The following SCFD2 variants were observed in gnomAD, a reference collection of about 807,000 sequenced individuals.
The protein encoded by SCFD2 is sec1 family domain containing 2.
In SCFD2, 54 loss-of-function variants were observed where a neutral mutation model predicts 58.9. The ratio of observed to expected loss-of-function variants is 0.92; its 90% CI spans 0.74 to 1.15. The LOEUF (loss-of-function observed/expected upper bound fraction) is 1.15. Among genes scored for constraint, SCFD2 ranks in the 50% most tolerant of loss-of-function variants. The probability of loss-of-function intolerance (pLI) is 0.00; values close to 1 mark genes in which losing one functional copy is unlikely to be tolerated. For synonymous variants in SCFD2, 321 were observed against 335.9 expected (o/e 0.96, Z 0.49); for missense variants, 805 against 836.6 (o/e 0.96, Z 0.47).
At chr4:53,306,269 T>C (rs1374077929) in intron 3 of SCFD2, among the ~76,000 whole-genome samples, 1 of 152,128 alleles carries the variant, frequency 6.6e-6, no homozygotes, top group Non-Finnish European at 1.5e-5. Flanking sequence ...AGCATCTATG[T>C]GCAAGGCACA....
intron 4 of SCFD2, among the ~76,000 whole-genome samples, chr4:53,195,425 T>A (rs2148961726): frequency 6.6e-6 from 1 of 152,264 alleles, no homozygotes. Flanking sequence ...CCTCTAATTG[T>A]AGTCAAGGCA....
At chr4:53,150,469 T>C (rs1726472061) in intron 4 of SCFD2, among the ~76,000 whole-genome samples, 2 of 152,182 alleles carry the variant, frequency 1.3e-5, no homozygotes, top group Admixed American at 1.3e-4. Context: ...CCAAACTGAA[T>C]GTTTATACAT....
At chr4:53,282,168 C>T (rs762955042) in intron 3 of SCFD2, among the ~76,000 whole-genome samples, 18 of 152,082 alleles carry the variant, frequency 1.2e-4, no homozygotes, top group Non-Finnish European at 2.1e-4. Flanking sequence ...GAGGTTAATT[C>T]TTTCTACTTG....
chr4:52,920,345 G>A (rs923160612), intron 6 of SCFD2, among the ~76,000 whole-genome samples: 1 of 152,184 alleles, frequency 6.6e-6, no homozygotes, highest in Non-Finnish European at 1.5e-5. Context: ...CATTCAAAAT[G>A]TTTACGGACT....
At chr4:53,062,732 C>T (rs1003721629) in intron 5 of SCFD2, among the ~76,000 whole-genome samples, 3 of 152,074 alleles carry the variant, frequency 2.0e-5, no homozygotes, top group African/African-American at 7.2e-5. Context: ...TTTATCCCAT[C>T]GTGATATAAA....
chr4:53,195,676 G>A (rs1385819950), intron 4 of SCFD2, among the ~76,000 whole-genome samples: 3 of 152,234 alleles, frequency 2.0e-5, no homozygotes, highest in East Asian at 3.9e-4. Flanking sequence ...GAAATCGTAC[G>A]AACAACTGAT....
At chr4:53,236,927 G>A (rs924588581) in intron 4 of SCFD2, among the ~76,000 whole-genome samples, 11 of 151,726 alleles carry the variant, frequency 7.2e-5, no homozygotes, top group African/African-American at 1.7e-4. Context: ...GTGGAGGGAA[G>A]GTCAGTAGCT....
intron 4 of SCFD2, among the ~76,000 whole-genome samples, chr4:53,202,193 A>T (rs370983230): frequency 6.6e-6 from 1 of 152,020 alleles, no homozygotes; most frequent in Non-Finnish European, 1.5e-5. Context: ...ATCTTGAATT[A>T]ATTTTTGTAT....
chr4:53,214,218 G>A (rs1359195670), intron 4 of SCFD2, among the ~76,000 whole-genome samples: 3 of 152,086 alleles, frequency 2.0e-5, no homozygotes, highest in Non-Finnish European at 2.9e-5. Flanking sequence ...CCAGATCCCT[G>A]AGGAATCGCC....
At chr4:53,116,312 T>C (rs1577741365) in intron 5 of SCFD2, among the ~76,000 whole-genome samples, 1 of 152,334 alleles carries the variant, frequency 6.6e-6, no homozygotes, top group East Asian at 1.9e-4. Flanking sequence ...CTCGTTGATA[T>C]CACTCATGCA....
intron 4 of SCFD2, among the ~76,000 whole-genome samples, chr4:53,159,492 C>T (rs1726791166): frequency 6.6e-6 from 1 of 152,114 alleles, no homozygotes; most frequent in South Asian, 2.1e-4. Flanking sequence ...AGGATTCTGA[C>T]TAGGACAAAT....
At chr4:52,932,817 C>G (rs968204262) in intron 5 of SCFD2, among the ~76,000 whole-genome samples, 15 of 152,134 alleles carry the variant, frequency 9.9e-5, no homozygotes, top group Admixed American at 7.2e-4. Flanking sequence ...TGTAAATCTC[C>G]ATTGAACCGA....
chr4:53,328,561 G>A (rs1472493896), intron 2 of SCFD2, among the ~76,000 whole-genome samples: 2 of 152,120 alleles, frequency 1.3e-5, no homozygotes, highest in Non-Finnish European at 2.9e-5. Context: ...GAATCTATTA[G>A]TTTATGCTAA....
At chr4:53,238,500 T>TGACC (rs1437973912) in intron 4 of SCFD2, among the ~76,000 whole-genome samples, 2 of 149,972 alleles carry the variant, frequency 1.3e-5, no homozygotes, top group African/African-American at 2.5e-5. Flanking sequence ...GGGCGGGGGC[T>TGACC]GACCCCCCCA....
intron 5 of SCFD2, among the ~76,000 whole-genome samples, chr4:53,038,694 GT>G (rs879685463): frequency 1.2e-3 from 171 of 140,222 alleles, no homozygotes; most frequent in Non-Finnish European, 1.2e-3. Flanking sequence ...AAAGTTTTTT[GT>G]TTTTTTTTTT....
intron 4 of SCFD2, among the ~76,000 whole-genome samples, chr4:53,206,430 T>C (rs1728408807): frequency 6.6e-6 from 1 of 152,152 alleles, no homozygotes; most frequent in Non-Finnish European, 1.5e-5. Context: ...TGACTTTGAA[T>C]GTACAAAGCT....
At chr4:52,886,192 C>T (rs1454007530) in intron 7 of SCFD2, among the ~76,000 whole-genome samples, 4 of 152,182 alleles carry the variant, frequency 2.6e-5, no homozygotes, top group African/African-American at 4.8e-5. Flanking sequence ...ACTGTCATGT[C>T]CATCTTTGAG....
At chr4:53,045,953 C>T (rs938842577) in intron 5 of SCFD2, among the ~76,000 whole-genome samples, 14 of 152,030 alleles carry the variant, frequency 9.2e-5, no homozygotes, top group Admixed American at 8.5e-4. Flanking sequence ...CTTTGTAGAG[C>T]TGGAAAGAGA....
At chr4:53,036,436 A>C (rs924000231) in intron 5 of SCFD2, among the ~76,000 whole-genome samples, 19 of 151,754 alleles carry the variant, frequency 1.3e-4, no homozygotes, top group Non-Finnish European at 2.4e-4. Context: ...AAGATTTGGA[A>C]CCAACGCAAA....
Sources: allele counts gnomAD v4.1 joint callset (sites outside exome capture counted in the v4.1 genomes callset), GRCh38; gene constraint gnomAD v4.1.1; transcripts MANE v1.5; gene names NCBI Gene and HGNC (gene_info 2026-07-23, HGNC 2026-07-21).